The following OXR1 variants were observed in gnomAD, a reference collection of about 807,000 sequenced individuals.
OXR1 encodes oxidation resistance 1, also known as oxidation resistance protein 1.
OXR1 carries 41 observed loss-of-function variants against 104.6 expected under a neutral mutation model. The observed-to-expected ratio is 0.39, with a 90% CI of 0.31 to 0.51. The LOEUF (loss-of-function observed/expected upper bound fraction) is 0.51, where lower values mean the gene tolerates loss of function less well. Among genes scored for constraint, OXR1 ranks in the 20% least tolerant of loss-of-function variants. The pLI, the probability that OXR1 is intolerant of heterozygous loss-of-function variation, is 0.77. For synonymous variants in OXR1, 348 were observed against 348.4 expected, an observed-to-expected ratio of 1.00 and a Z score of 0.01; for missense variants, 955 against 1,031.9, an observed-to-expected ratio of 0.93 and a Z score of 1.02.
At chr8:106,613,060 A>G (rs574592247) in intron 3 of OXR1, among the ~76,000 whole-genome samples, 2 of 152,276 alleles carry the variant, frequency 1.3e-5, no homozygotes, top group Admixed American at 1.3e-4. Flanking sequence ...GCTGAGAAAT[A>G]TAACAGGAGG....
intron 3 of OXR1, among the ~76,000 whole-genome samples, chr8:106,598,506 C>A (rs1172034381): frequency 6.6e-6 from 1 of 152,212 alleles, no homozygotes; most frequent in Non-Finnish European, 1.5e-5. Flanking sequence ...ATTGTCCTCC[C>A]TGCTTCCTCT....
chr8:106,462,715 G>A (rs1820974802), intron 2 of OXR1, among the ~76,000 whole-genome samples: 1 of 152,100 alleles, frequency 6.6e-6, no homozygotes, highest in Non-Finnish European at 1.5e-5. Flanking sequence ...TGCATCAGGA[G>A]TTAGAAGACT....
chr8:106,520,066 G>T (rs1395174834), intron 3 of OXR1, among the ~76,000 whole-genome samples: 1 of 152,106 alleles, frequency 6.6e-6, no homozygotes, highest in Non-Finnish European at 1.5e-5. Context: ...GAGAGATTTG[G>T]TCACATCCAA....
chr8:106,606,503 G>A (rs543192358), intron 3 of OXR1, among the ~76,000 whole-genome samples: 3 of 150,428 alleles, frequency 2.0e-5, no homozygotes, highest in East Asian at 2.0e-4. Flanking sequence ...CTAGAAACAG[G>A]GTTTCACCAT....
At chr8:106,439,958 G>A (rs1819719214) in intron 2 of OXR1, among the ~76,000 whole-genome samples, 1 of 152,054 alleles carries the variant, frequency 6.6e-6, no homozygotes, top group South Asian at 2.1e-4. Context: ...ACTAGATTCT[G>A]GATAGCTGAA....
intron 3 of OXR1, among the ~76,000 whole-genome samples, chr8:106,625,262 G>A (rs1822054906): frequency 6.6e-6 from 1 of 152,102 alleles, no homozygotes; most frequent in South Asian, 2.1e-4. Context: ...TTCAAGCTGG[G>A]AGCAGTCGTG....
At chr8:106,610,587 G>A (rs1244215961) in intron 3 of OXR1, among the ~76,000 whole-genome samples, 3 of 152,082 alleles carry the variant, frequency 2.0e-5, no homozygotes, top group Non-Finnish European at 2.9e-5. Flanking sequence ...CCATGCCACA[G>A]TCTCATTCGA....
chr8:106,737,679 A>C, intron 12 of OXR1, 79 bp downstream of exon 12: 77 of 484,306 alleles, frequency 1.6e-4, no homozygotes, highest in South Asian at 2.4e-4. Flanking sequence ...GGCAAATCTC[A>C]TTTGAAGAAT....
chr8:106,657,924 G>A (rs1392477546), intron 3 of OXR1: 3 of 1,247,116 alleles, frequency 2.4e-6, no homozygotes, highest in African/African-American at 3.1e-5. Context: ...CGCTAGTGGT[G>A]GCCGCCACCG....
chr8:106,693,099 T>C (rs1829479004), intron 7 of OXR1, among the ~76,000 whole-genome samples: 1 of 152,104 alleles, frequency 6.6e-6, no homozygotes, highest in Non-Finnish European at 1.5e-5. Flanking sequence ...ATAAATAAAT[T>C]CACTAAGGCA....
chr8:106,361,024 T>C (rs550220490), intron 2 of OXR1, among the ~76,000 whole-genome samples: 1 of 152,340 alleles, frequency 6.6e-6, no homozygotes, highest in African/African-American at 2.4e-5. Context: ...AGGCCTGGCC[T>C]CGGTGCATGC....
At chr8:106,379,178 T>G (rs1817029653) in intron 2 of OXR1, among the ~76,000 whole-genome samples, 1 of 152,208 alleles carries the variant, frequency 6.6e-6, no homozygotes, top group South Asian at 2.1e-4. Flanking sequence ...TCAGAAATTC[T>G]GGGATGGCAT....
At chr8:106,618,326 T>C in intron 3 of OXR1, 1 of 737,592 alleles carries the variant, frequency 1.4e-6, no homozygotes, top group South Asian at 1.6e-5. Context: ...TTGGAGGTTC[T>C]ATAGCTACTG....
At chr8:106,311,478 A>G (rs1813696859) in intron 1 of OXR1, among the ~76,000 whole-genome samples, 1 of 152,106 alleles carries the variant, frequency 6.6e-6, no homozygotes, top group African/African-American at 2.4e-5. Context: ...TATATACTAA[A>G]CTATCATTAA....
chr8:106,608,827 G>A (rs1820596219), intron 3 of OXR1, among the ~76,000 whole-genome samples: 1 of 152,148 alleles, frequency 6.6e-6, no homozygotes, highest in Non-Finnish European at 1.5e-5. Context: ...TGCTTCTCTG[G>A]TCATGTTAGG....
chr8:106,652,061 A>G (rs943439643), intron 3 of OXR1, among the ~76,000 whole-genome samples: 3 of 152,024 alleles, frequency 2.0e-5, no homozygotes, highest in Admixed American at 6.6e-5. Flanking sequence ...TGGATTAGAG[A>G]TGCCTTTTTG....
At chr8:106,583,398 A>G (rs1177935485) in intron 3 of OXR1, among the ~76,000 whole-genome samples, 2 of 152,202 alleles carry the variant, frequency 1.3e-5, no homozygotes, top group Non-Finnish European at 1.5e-5. Context: ...CTGTAAAACT[A>G]ATAAATCAAA....
intron 2 of OXR1, among the ~76,000 whole-genome samples, chr8:106,411,045 G>A (rs1818437524): frequency 6.6e-6 from 1 of 151,886 alleles, no homozygotes; most frequent in African/African-American, 2.4e-5. Flanking sequence ...TTTTTGCCCT[G>A]ATGTAATTAA....
intron 3 of OXR1, among the ~76,000 whole-genome samples, chr8:106,633,729 T>G (rs1162371500): frequency 6.6e-6 from 1 of 152,212 alleles, no homozygotes; most frequent in Non-Finnish European, 1.5e-5. Flanking sequence ...AATTGCAGAC[T>G]TCAAGTTCAT....
Sources: allele counts gnomAD v4.1 joint callset (sites outside exome capture counted in the v4.1 genomes callset), GRCh38; gene constraint gnomAD v4.1.1; transcripts MANE v1.5; gene names NCBI Gene and HGNC (gene_info 2026-07-23, HGNC 2026-07-21).